PCDH17: variants seen among roughly 807,000 people sequenced by gnomAD.
The protein encoded by PCDH17 is protocadherin 17.
Under a neutral mutation model 67.7 loss-of-function variants are expected in PCDH17, and 21 were observed. The ratio of observed to expected loss-of-function variants is 0.31; its 90% CI spans 0.22 to 0.45. The LOEUF is 0.45. Among genes scored for constraint, PCDH17 ranks in the 20% least tolerant of loss-of-function variants. The pLI, the probability that PCDH17 is intolerant of heterozygous loss-of-function variation, is 1.00. For synonymous variants in PCDH17, 701 were observed against 656.7 expected, an observed-to-expected ratio of 1.07 and a Z score of -1.03; for missense variants, 1,471 against 1,564.8, an observed-to-expected ratio of 0.94 and a Z score of 1.01.
At chr13:57,648,816 TA>T (rs1954999982) in intron 1 of PCDH17, among the ~76,000 whole-genome samples, 1 of 152,054 alleles carries the variant, frequency 6.6e-6, no homozygotes, top group Non-Finnish European at 1.5e-5. Context: ...AACTATTTAG[TA>T]TTTCAGGTGG....
intron 3 of PCDH17, among the ~76,000 whole-genome samples, chr13:57,691,630 G>A (rs1203201063): frequency 6.6e-6 from 1 of 151,232 alleles, no homozygotes; most frequent in Non-Finnish European, 1.5e-5. Flanking sequence ...GATGTAGTAT[G>A]TGTACACATC....
intron 3 of PCDH17, among the ~76,000 whole-genome samples, chr13:57,707,629 G>A (rs1037410277): frequency 6.6e-6 from 1 of 151,930 alleles, no homozygotes; most frequent in African/African-American, 2.4e-5. Context: ...CTGCTATAAC[G>A]AAGTACTGCA....
Position 57,634,380 on chromosome 13 carries a change from G to T in PCDH17, c.1834G>T (p.Ala612Ser), listed in dbSNP as rs1275786577. 2.5e-6 allele frequency: 4 copies of T among 1,612,380 alleles called. No homozygotes were observed. Among genetic ancestry groups the T allele is most frequent in the East Asian group, 2.2e-5 (1 of 44,842 alleles). ...GLGYLVSTVR[A>S]LDSDFGESGR... is the part of the protein sequence containing the mutation. ...GGGCTATCTGGTGAGCACTGTGCGCGCCCTAGACAGCGACTTCGGCGAGAG... is the reference window on the plus strand; with the variant it reads ...GGGCTATCTGGTGAGCACTGTGCGCTCCCTAGACAGCGACTTCGGCGAGAG... The change falls in exon 1 of 4, where the codon GCC becomes TCC. Residue 612 changes from alanine to serine, a missense_variant. Transcript: ENST00000377918. This position sits in a 1 kb window ranked among gnomAD's most constrained non-coding sequence, Gnocchi z 7.8.
intron 3 of PCDH17, among the ~76,000 whole-genome samples, chr13:57,672,858 C>G (rs150785958): frequency 6.6e-6 from 1 of 152,030 alleles, no homozygotes; most frequent in East Asian, 1.9e-4. Context: ...GATGCTTATT[C>G]CTGTGGCCCA....
intron 3 of PCDH17, among the ~76,000 whole-genome samples, chr13:57,702,923 C>T (rs1202372837): frequency 6.6e-6 from 1 of 152,182 alleles, no homozygotes; most frequent in Non-Finnish European, 1.5e-5. Context: ...TCTGACCTTT[C>T]TGCCTATCTC....
chr13:57,655,012 T>G (rs1180974646), intron 1 of PCDH17, among the ~76,000 whole-genome samples: 1 of 151,964 alleles, frequency 6.6e-6, no homozygotes, highest in African/African-American at 2.4e-5. Flanking sequence ...CCCAAACTAT[T>G]TATTAATTAT....
rs748629252 is a variant in PCDH17 at position 57,633,063 on chromosome 13, C to A, written c.517C>A (p.Arg173Ser). 1 of 1,613,252 alleles carries A rather than the reference C, an allele frequency of 6.2e-7. No individual in the cohort carries two copies. Among genetic ancestry groups the A allele is most frequent in the Non-Finnish European group, 8.5e-7 (1 of 1,179,980 alleles). The change falls in exon 1 of 4, where the codon CGC (arginine) becomes AGC (serine). Residue 173 changes from arginine (R) to serine (S), a missense_variant. Transcript: ENST00000377918. The surrounding 1 kb of genome is among the most constrained non-coding windows in gnomAD (Gnocchi z 6.2). The stretch of plus-strand genomic sequence containing the variant: ...TGGGCTCCGCACCTACCTGCTCACG[C>A]GCGACGATCACGGCCTCTTTGGACT... ...ENGLRTYLLT[R>S]DDHGLFGLDV... is the part of the protein sequence containing the mutation.
At chr13:57,686,894 A>G (rs978343507) in intron 3 of PCDH17, among the ~76,000 whole-genome samples, 1 of 151,998 alleles carries the variant, frequency 6.6e-6, no homozygotes, top group Non-Finnish European at 1.5e-5. Context: ...TCAGCCTAGA[A>G]CGCACTGTGG....
chr13:57,674,751 GA>G, intron 3 of PCDH17, among the ~76,000 whole-genome samples: 1 of 152,010 alleles, frequency 6.6e-6, no homozygotes, highest in East Asian at 1.9e-4. Flanking sequence ...AGAACTTAAG[GA>G]AATAATTTTG....
Position 57,634,773 on chromosome 13 carries a change from C to T in PCDH17, c.2227C>T (p.Arg743Cys). The T allele has an allele frequency of 6.2e-7, 1 of 1,613,974 alleles. No homozygotes were observed. The highest frequency in any genetic ancestry group is 1.7e-5 in the Admixed American group (1 of 60,012). Residue 743 changes from arginine (R) to cysteine (C), a missense_variant, in exon 1 of 4, where the codon CGC (arginine) becomes TGC (cysteine). Physicochemically the swap from Arg to Cys is radical, Grantham distance 180. Transcript: ENST00000377918. This position sits in a 1 kb window ranked among gnomAD's most constrained non-coding sequence, Gnocchi z 7.8. ...ENKEIRTYNC[R>C]IAEYSHPQLG... ...CAAGGAGATCCGCACTTACAACTGC[C>T]GCATCGCCGAGTACAGCCACCCGCA...
intron 3 of PCDH17, among the ~76,000 whole-genome samples, chr13:57,677,502 T>C (rs1256101561): frequency 6.6e-6 from 1 of 151,804 alleles, no homozygotes; most frequent in African/African-American, 2.4e-5. Flanking sequence ...AAGATATATA[T>C]ACAGTGTTTC....
chr13:57,653,699 T>C (rs1210272370), intron 1 of PCDH17, among the ~76,000 whole-genome samples: 1 of 152,030 alleles, frequency 6.6e-6, no homozygotes, highest in African/African-American at 2.4e-5. Flanking sequence ...AAGTTCTGGG[T>C]ATAAGGGTGA....
chr13:57,713,483 A>G (rs1955793873), intron 3 of PCDH17, among the ~76,000 whole-genome samples: 1 of 151,536 alleles, frequency 6.6e-6, no homozygotes, highest in African/African-American at 2.4e-5. Flanking sequence ...TACCCTTTAT[A>G]GGTATTTTTG....
intron 3 of PCDH17, among the ~76,000 whole-genome samples, chr13:57,702,187 G>A (rs1955671949): frequency 6.6e-6 from 1 of 152,108 alleles, no homozygotes; most frequent in Non-Finnish European, 1.5e-5. Context: ...AAAGTGCTGA[G>A]AATACAGGCG....
At chr13:57,694,714 T>G (rs1316106235) in intron 3 of PCDH17, among the ~76,000 whole-genome samples, 1 of 151,202 alleles carries the variant, frequency 6.6e-6, no homozygotes, top group Admixed American at 6.6e-5. Flanking sequence ...ATTAAAAAAT[T>G]TTTAACCTTT....
At position 57,724,587 on chromosome 13, in the gene PCDH17, T is replaced by G. The variant is rs1401802041; in HGVS notation, c.2798-25T>G. 5 of 1,578,508 alleles carry G rather than the reference T, an allele frequency of 3.2e-6. No individual in the cohort carries two copies. In the South Asian group the frequency reaches 5.6e-5, roughly 18 times the overall value. ...TAAAGAAAACTCTAATGATTGGATT[T>G]GCTGTTTTCTCTTTTGTTTTGCAGA... On this transcript the variant is annotated intron_variant, in intron 3 of 3. Transcript: ENST00000377918.
intron 1 of PCDH17, among the ~76,000 whole-genome samples, chr13:57,642,508 A>G (rs1377880191): frequency 2.6e-5 from 4 of 151,604 alleles, no homozygotes; most frequent in Non-Finnish European, 5.9e-5. Flanking sequence ...CAACTTCTCT[A>G]AACAAGTAAT....
Position 57,724,725 on chromosome 13 carries a change from A to G in PCDH17, c.2911A>G (p.Thr971Ala). ...TCAGGCTGAAAATGCAGATTACCGC[A>G]CAAATCTCTTTGTACCTACAGTTGA... ...ANQAENADYR[T>A]NLFVPTVEAN... The change falls in exon 4 of 4, where the codon ACA becomes GCA. Residue 971 changes from threonine (T) to alanine (A), a missense_variant. Thr to Ala is a moderately conservative substitution (Grantham distance 58). Around this residue, in one of 3 missense-constraint regions of PCDH17, gnomAD observed 297 missense variants for 298.6 expected, o/e 0.99. Coordinates refer to ENST00000377918, the MANE Select transcript of PCDH17 (RefSeq NM_001040429.3). The G allele has an allele frequency of 1.2e-6, 2 of 1,614,144 alleles. No homozygotes were observed. Among genetic ancestry groups the G allele is most frequent in the Non-Finnish European group, 8.5e-7 (1 of 1,180,016 alleles).
At chr13:57,645,878 C>G (rs958711127) in intron 1 of PCDH17, among the ~76,000 whole-genome samples, 1 of 151,202 alleles carries the variant, frequency 6.6e-6, no homozygotes, top group Non-Finnish European at 1.5e-5. Context: ...TACCCAACCT[C>G]AGTCAGTTAT....
Sources: allele counts gnomAD v4.1 joint callset (sites outside exome capture counted in the v4.1 genomes callset), GRCh38; gene constraint gnomAD v4.1.1; regional missense constraint gnomAD v4.1.1; non-coding constraint Gnocchi (gnomAD v3.1); transcripts MANE v1.5; gene names NCBI Gene and HGNC (gene_info 2026-07-23, HGNC 2026-07-21).